C12orf42: variants seen among roughly 807,000 people sequenced by gnomAD.
C12orf42 encodes uncharacterized protein C12orf42.
C12orf42 carries 25 observed loss-of-function variants against 21.6 expected under a neutral mutation model. The ratio of observed to expected loss-of-function variants is 1.16; its 90% CI spans 0.84 to 1.62. The LOEUF (loss-of-function observed/expected upper bound fraction) is 1.62, where lower values mean the gene tolerates loss of function less well. Among genes scored for constraint, C12orf42 ranks in the 40% most tolerant of loss-of-function variants. The pLI, the probability that C12orf42 is intolerant of heterozygous loss-of-function variation, is 0.00. For synonymous variants in C12orf42, 174 were observed against 175.0 expected (o/e 0.99, Z 0.05); for missense variants, 483 against 459.3 (o/e 1.05, Z -0.47).
At chr12:103,228,824 T>A in the C12orf42 span, among the ~76,000 whole-genome samples, 6 of 151,788 alleles carry the variant, frequency 4.0e-5, no homozygotes, top group African/African-American at 1.5e-4. Context: ...AATATAATAA[T>A]GATCTCACCC....
the C12orf42 span, among the ~76,000 whole-genome samples, chr12:103,121,665 C>T: frequency 1.3e-5 from 2 of 152,204 alleles, no homozygotes; most frequent in African/African-American, 4.8e-5. Context: ...TCCACTCATT[C>T]ACTTTCAGGT....
intron 1 of C12orf42, among the ~76,000 whole-genome samples, chr12:103,478,897 A>G (rs1954268224): frequency 6.6e-6 from 1 of 152,130 alleles, no homozygotes; most frequent in Non-Finnish European, 1.5e-5. Context: ...AGTTAATTCC[A>G]AAAAATATGT....
the C12orf42 span, among the ~76,000 whole-genome samples, chr12:103,074,427 G>A: frequency 6.6e-6 from 1 of 152,150 alleles, no homozygotes; most frequent in South Asian, 2.1e-4. Flanking sequence ...GTGGAGCCTG[G>A]GGAATACCTC....
chr12:103,282,126 G>A (rs1460887540), intron 4 of C12orf42, among the ~76,000 whole-genome samples: 2 of 152,170 alleles, frequency 1.3e-5, no homozygotes, highest in African/African-American at 2.4e-5. Context: ...CCTAAATGAT[G>A]TAACGACTAT....
chr12:103,416,773 A>G (rs1207262344), intron 2 of C12orf42, among the ~76,000 whole-genome samples: 1 of 152,144 alleles, frequency 6.6e-6, no homozygotes, highest in Non-Finnish European at 1.5e-5. Flanking sequence ...TTTCAACTCA[A>G]TGACCTTGAG....
At position 103,495,923 on chromosome 12, in the gene C12orf42, C is replaced by T. The variant is rs75166514; in HGVS notation, c.-43G>A. On this transcript the variant is annotated 5_prime_UTR_variant, in exon 1 of 6. Transcript: ENST00000548883. Reference sequence around the variant, plus strand: ...CTACCTGGAGCTGCAGGGTCCCTATCCCGGGGCGCCGCCCGCAGCCTCCTC... The same window carrying T: ...CTACCTGGAGCTGCAGGGTCCCTATTCCGGGGCGCCGCCCGCAGCCTCCTC... The T allele has an allele frequency of 0.012, 1,847 of 152,484 alleles. 194 individuals carry two copies. The East Asian group carries it at 0.25, about 20-fold the overall frequency. The allele number at this position is 152,484 out of a possible 1,614,324, so 9.4% of individuals were successfully genotyped here.
At chr12:103,195,725 T>C in the C12orf42 span, among the ~76,000 whole-genome samples, 5 of 152,164 alleles carry the variant, frequency 3.3e-5, no homozygotes, top group African/African-American at 4.8e-5. Flanking sequence ...TTTTTTCCTA[T>C]TCTGTAGGTC....
the C12orf42 span, chr12:103,505,740 C>A: frequency 3.1e-4 from 64 of 209,434 alleles, 1 homozygote; most frequent in South Asian, 4.2e-3. Flanking sequence ...GGATTTTGTT[C>A]TTTCTGTCAC....
At chr12:103,123,399 A>G in the C12orf42 span, among the ~76,000 whole-genome samples, 2 of 152,152 alleles carry the variant, frequency 1.3e-5, no homozygotes, top group Non-Finnish European at 2.9e-5. Flanking sequence ...TTCTGGAGTG[A>G]TCTCATGCAT....
chr12:103,057,615 G>T, the C12orf42 span, among the ~76,000 whole-genome samples: 1 of 152,002 alleles, frequency 6.6e-6, no homozygotes, highest in Admixed American at 6.6e-5. Flanking sequence ...TGGGCATTTG[G>T]GTTGGTTCCA....
downstream of C12orf42, among the ~76,000 whole-genome samples, chr12:103,233,049 A>C (rs1047537038): frequency 1.3e-5 from 2 of 152,198 alleles, no homozygotes; most frequent in Non-Finnish European, 2.9e-5. Flanking sequence ...GCAACTTTGA[A>C]CTATACACTA....
intron 1 of C12orf42, among the ~76,000 whole-genome samples, chr12:103,494,346 G>A (rs1955372703): frequency 6.6e-6 from 1 of 152,200 alleles, no homozygotes; most frequent in South Asian, 2.1e-4. Context: ...CAAGAAACAA[G>A]AAGTTTTCTG....
intron 2 of C12orf42, chr12:103,456,336 T>C (rs1001512977): frequency 5.9e-5 from 9 of 152,100 alleles, no homozygotes; most frequent in African/African-American, 2.2e-4. Context: ...GTCACCAAGG[T>C]CCATCCAGAG....
the C12orf42 span, among the ~76,000 whole-genome samples, chr12:103,534,125 T>A: frequency 6.6e-6 from 1 of 152,246 alleles, no homozygotes; most frequent in African/African-American, 2.4e-5. Flanking sequence ...AAAATACTTA[T>A]CCTCATTGAA....
At chr12:103,069,345 C>G in the C12orf42 span, among the ~76,000 whole-genome samples, 1 of 151,842 alleles carries the variant, frequency 6.6e-6, no homozygotes, top group Non-Finnish European at 1.5e-5. Context: ...GGTTGCATCT[C>G]AATAAATGTA....
At chr12:103,320,269 G>A (rs1425425130) in intron 4 of C12orf42, among the ~76,000 whole-genome samples, 1 of 152,146 alleles carries the variant, frequency 6.6e-6, no homozygotes. Flanking sequence ...GAATAATCAG[G>A]CAACCCAATA....
upstream of C12orf42, among the ~76,000 whole-genome samples, chr12:103,500,661 C>A (rs1456548828): frequency 2.0e-5 from 3 of 152,156 alleles, 1 homozygote; most frequent in Admixed American, 2.0e-4. Context: ...CAAGAATGTT[C>A]TGTAATTAAA....
chr12:103,101,987 G>C, the C12orf42 span, among the ~76,000 whole-genome samples: 1 of 152,194 alleles, frequency 6.6e-6, no homozygotes, highest in Non-Finnish European at 1.5e-5. Flanking sequence ...AAGGTGTTCA[G>C]GGCCTCTTGA....
chr12:103,563,417 A>G, the C12orf42 span, among the ~76,000 whole-genome samples: 2,630 of 152,340 alleles, frequency 0.017, 94 homozygotes, highest in African/African-American at 0.06. Context: ...GGTAGAACAG[A>G]AATGAAATTC....
Sources: allele counts gnomAD v4.1 joint callset (sites outside exome capture counted in the v4.1 genomes callset), GRCh38; gene constraint gnomAD v4.1.1; transcripts MANE v1.5; gene names NCBI Gene and HGNC (gene_info 2026-07-23, HGNC 2026-07-21).